The following IL22RA2 variants were observed in gnomAD, a reference collection of about 807,000 sequenced individuals.
IL22RA2 encodes interleukin 22 receptor subunit alpha 2.
In IL22RA2, 39 loss-of-function variants were observed where a neutral mutation model predicts 30.7. That is an observed-to-expected ratio of 1.27 (90% CI 0.98 to 1.66). IL22RA2 has a LOEUF of 1.66. Among genes scored for constraint, IL22RA2 ranks in the 40% most tolerant of loss-of-function variants. The pLI, the probability that IL22RA2 is intolerant of heterozygous loss-of-function variation, is 0.00. For missense variants in IL22RA2, 315 were observed against 312.7 expected, an observed-to-expected ratio of 1.01 and a Z score of -0.05; for synonymous variants, 103 against 105.0, an observed-to-expected ratio of 0.98 and a Z score of 0.11.
At chr6:137,155,699 C>T (rs1778391577) in intron 4 of IL22RA2, among the ~76,000 whole-genome samples, 1 of 152,050 alleles carries the variant, frequency 6.6e-6, no homozygotes, top group Admixed American at 6.6e-5. Context: ...GATCAGGTTT[C>T]CAACACATGA....
intron 5 of IL22RA2, among the ~76,000 whole-genome samples, chr6:137,154,675 G>T (rs948953732): frequency 6.6e-6 from 1 of 151,998 alleles, no homozygotes; most frequent in African/African-American, 2.4e-5. Flanking sequence ...TGGAGGCTCT[G>T]CAGTCAGATA....
chr6:137,165,198 C>T (rs1013842437), intron 1 of IL22RA2, among the ~76,000 whole-genome samples: 3 of 152,132 alleles, frequency 2.0e-5, no homozygotes, highest in Admixed American at 2.0e-4. Context: ...GAGAAAAAGG[C>T]CACCAATATC....
intron 1 of IL22RA2, among the ~76,000 whole-genome samples, chr6:137,164,973 C>T (rs541154637): frequency 1.3e-5 from 2 of 151,956 alleles, no homozygotes; most frequent in Non-Finnish European, 2.9e-5. Context: ...ACATTTTTTT[C>T]TGTCATTATT....
chr6:137,165,813 C>T (rs1778615678), intron 1 of IL22RA2, among the ~76,000 whole-genome samples: 1 of 152,132 alleles, frequency 6.6e-6, no homozygotes, highest in African/African-American at 2.4e-5. Flanking sequence ...CCTTACTGTC[C>T]CAACAACAGA....
chr6:137,156,835 T>C lies in IL22RA2; in HGVS notation c.217A>G (p.Lys73Glu), dbSNP rs757015370. Residue 73 changes from lysine (K) to glutamate (E), a missense_variant, in exon 4 of 7, where the codon AAA (lysine) becomes GAA (glutamate). Coordinates refer to ENST00000296980, the MANE Select transcript of IL22RA2 (RefSeq NM_052962.3). ...CCACTTGGCTTCTGGTGAGAGCTTT[T>C]CATGCTGCATGAGAACATGCTAGAG... The part of the protein sequence containing the change: ...QYKIMFSCSM[K>E]SSHQKPSGCW... 1.2e-6 allele frequency: 2 copies of C among 1,613,754 alleles called. No homozygotes were observed. Among genetic ancestry groups the C allele is most frequent in the South Asian group, 2.2e-5 (2 of 91,068 alleles).
At chr6:137,170,984 T>C (rs1250177624) in intron 1 of IL22RA2, among the ~76,000 whole-genome samples, 1 of 152,200 alleles carries the variant, frequency 6.6e-6, no homozygotes, top group Admixed American at 6.5e-5. Flanking sequence ...AAAGGTTTTT[T>C]TGTTGTTGTT....
intron 5 of IL22RA2, among the ~76,000 whole-genome samples, chr6:137,149,610 T>C (rs780489949): frequency 5.3e-5 from 8 of 152,234 alleles, no homozygotes; most frequent in African/African-American, 1.4e-4. Context: ...TAGACTATTA[T>C]TAGTAACCTG....
intron 5 of IL22RA2, among the ~76,000 whole-genome samples, chr6:137,149,689 T>G (rs1422130092): frequency 6.6e-6 from 1 of 152,218 alleles, no homozygotes; most frequent in Non-Finnish European, 1.5e-5. Context: ...TATACACAAG[T>G]CTGATCATAT....
chr6:137,167,391 C>G lies in IL22RA2; in HGVS notation c.-65-5577G>C, dbSNP rs80008183. On this transcript the variant is annotated intron_variant, in intron 1 of 6. Transcript: ENST00000296980. ...CCTATAAGATAGTGTTTGGCCGACA[C>G]CCTGATCATAACTCAGATAAACGGG... 2.0e-3 allele frequency among the ~76,000 whole-genome samples: 297 copies of G among 152,262 alleles called. 2 individuals carry two copies. Among genetic ancestry groups the G allele is most frequent in the Admixed American group, 4.5e-3 (69 of 15,302 alleles).
intron 2 of IL22RA2, 77 bp from the exon 3 acceptor site, chr6:137,158,559 T>C: frequency 6.8e-7 from 1 of 1,472,656 alleles, no homozygotes; most frequent in African/African-American, 1.4e-5. Flanking sequence ...TTCAGTGGAA[T>C]ACCTGCATCA....
At chr6:137,155,746 A>G (rs1778392625) in intron 4 of IL22RA2, among the ~76,000 whole-genome samples, 1 of 152,138 alleles carries the variant, frequency 6.6e-6, no homozygotes, top group African/African-American at 2.4e-5. Context: ...AGCATTACCT[A>G]AAGTGCTGTC....
intron 1 of IL22RA2, among the ~76,000 whole-genome samples, chr6:137,168,688 C>T (rs1778673780): frequency 6.6e-6 from 1 of 152,170 alleles, no homozygotes; most frequent in African/African-American, 2.4e-5. Flanking sequence ...GGGTACACAA[C>T]TGGAACATGC....
chr6:137,153,228 A>C (rs1778327919), intron 5 of IL22RA2, among the ~76,000 whole-genome samples: 1 of 152,208 alleles, frequency 6.6e-6, no homozygotes, highest in African/African-American at 2.4e-5. Flanking sequence ...GTTAATGTGA[A>C]AGGAGTGAAG....
At chr6:137,158,702 G>A (rs568586290) in intron 2 of IL22RA2, among the ~76,000 whole-genome samples, 4 of 152,230 alleles carry the variant, frequency 2.6e-5, no homozygotes, top group Middle Eastern at 3.4e-3. Flanking sequence ...TCATAAACAT[G>A]TACGTGATAC....
At chr6:137,158,666 A>G (rs145385106) in intron 2 of IL22RA2, among the ~76,000 whole-genome samples, 184 bp from the exon 3 acceptor site, 39 of 152,316 alleles carry the variant, frequency 2.6e-4, no homozygotes, top group African/African-American at 9.1e-4. Context: ...GATGCACGCT[A>G]AAGTCTCAGA....
Position 137,163,205 on chromosome 6 carries a change from C to T in IL22RA2, c.-65-1391G>A, listed in dbSNP as rs561665987. Among the ~76,000 whole-genome samples the T allele has an allele frequency of 6.6e-5, 10 of 152,314 alleles. No individual in the cohort carries two copies. The South Asian group carries it at 1.2e-3, about 19-fold the overall frequency. On this transcript the variant is annotated intron_variant, in intron 1 of 6. Transcript: ENST00000296980. The stretch of plus-strand genomic sequence containing the variant: ...GCCTTTGTTTCTTGCTTCTGTATCT[C>T]GCTTCCTGCCTCATGTAGTTCCCAC...
intron 6 of IL22RA2, among the ~76,000 whole-genome samples, chr6:137,146,517 C>T (rs1283944297): frequency 2.0e-5 from 3 of 152,210 alleles, no homozygotes; most frequent in Non-Finnish European, 4.4e-5. Context: ...TACGTCCTGC[C>T]TCTGTCCCTG....
chr6:137,168,118 G>T (rs1338148008), intron 1 of IL22RA2, among the ~76,000 whole-genome samples: 2 of 152,170 alleles, frequency 1.3e-5, no homozygotes, highest in Non-Finnish European at 2.9e-5. Context: ...GGTTATAAAA[G>T]GGGACCAGGA....
chr6:137,162,851 G>A (rs1778549215), intron 1 of IL22RA2, among the ~76,000 whole-genome samples: 1 of 152,184 alleles, frequency 6.6e-6, no homozygotes. Context: ...AGACAAGATG[G>A]TGGACCCTCA....
Sources: gnomAD v4.1 joint callset for allele counts (sites outside exome capture counted in the v4.1 genomes callset) on GRCh38, gnomAD v4.1.1 for gene constraint, MANE v1.5 for transcripts, NCBI Gene and HGNC (gene_info 2026-07-23, HGNC 2026-07-21) for gene names.